Variants in SYNJ1 observed in about 807,000 individuals in gnomAD.
SYNJ1 encodes polyphosphatidylinositol phosphatase SYNJ1.
Under a neutral mutation model 168.2 loss-of-function variants are expected in SYNJ1, and 78 were observed. That is an observed-to-expected ratio of 0.46 (90% CI 0.39 to 0.56). SYNJ1 has a LOEUF of 0.56. SYNJ1 is among the 20% of genes least tolerant of loss of function. SYNJ1 has a pLI of 0.00. For missense variants in SYNJ1, 1,303 were observed against 1,597.6 expected, an observed-to-expected ratio of 0.82 and a Z score of 3.14; for synonymous variants, 539 against 548.6, an observed-to-expected ratio of 0.98 and a Z score of 0.24.
intron 25 of SYNJ1, 84 bp from the exon 26 acceptor site, chr21:32,645,090 AT>A: frequency 7.4e-7 from 1 of 1,353,276 alleles, no homozygotes; most frequent in South Asian, 1.4e-5. Context: ...TATAGTATCC[AT>A]GACATCAAGT....
intron 16 of SYNJ1, 88 bp from the exon 17 acceptor site, chr21:32,666,223 G>A (rs1468553701): frequency 1.4e-6 from 2 of 1,472,354 alleles, no homozygotes; most frequent in South Asian, 1.3e-5. Context: ...AATCATTTAA[G>A]TACACATGGT....
intron 2 of SYNJ1, among the ~76,000 whole-genome samples, chr21:32,702,531 A>G (rs1267441909): frequency 6.6e-6 from 1 of 152,184 alleles, no homozygotes. Flanking sequence ...TATTCTATTG[A>G]GAAGAAAAAA....
intron 6 of SYNJ1, among the ~76,000 whole-genome samples, chr21:32,690,095 T>G (rs2041968395): frequency 6.6e-6 from 1 of 152,264 alleles, no homozygotes; most frequent in Non-Finnish European, 1.5e-5. Context: ...AGTTTTCATG[T>G]CTTCCAGGTA....
chr21:32,717,878 G>T (rs2043081067), intron 2 of SYNJ1, among the ~76,000 whole-genome samples: 1 of 152,166 alleles, frequency 6.6e-6, no homozygotes, highest in African/African-American at 2.4e-5. Flanking sequence ...CAGGAATCCT[G>T]TCAAGCTTTG....
intron 1 of SYNJ1, chr21:32,727,736 C>G: frequency 2.6e-6 from 3 of 1,151,656 alleles, no homozygotes; most frequent in Non-Finnish European, 3.5e-6. Context: ...CAGCCGCTGT[C>G]ACCACAGCCC....
intron 9 of SYNJ1, among the ~76,000 whole-genome samples, chr21:32,684,804 C>G (rs2041759842): frequency 1.3e-5 from 2 of 152,174 alleles, no homozygotes; most frequent in South Asian, 4.1e-4. Flanking sequence ...AGTTCTAACA[C>G]TTGCTAATTA....
intron 2 of SYNJ1, among the ~76,000 whole-genome samples, chr21:32,706,338 T>C (rs1165067479): frequency 6.6e-6 from 1 of 152,156 alleles, no homozygotes; most frequent in Non-Finnish European, 1.5e-5. Flanking sequence ...GAAGAGAGGA[T>C]AAGGATTAGA....
chr21:32,683,836 C>A (rs1028778790), intron 10 of SYNJ1, among the ~76,000 whole-genome samples: 16 of 151,712 alleles, frequency 1.1e-4, no homozygotes, highest in African/African-American at 3.1e-4. Context: ...AGAGAGCTAC[C>A]TAAAGAGAAT....
intron 21 of SYNJ1, among the ~76,000 whole-genome samples, chr21:32,654,749 G>A (rs2040398190): frequency 6.6e-6 from 1 of 152,134 alleles, no homozygotes; most frequent in South Asian, 2.1e-4. Context: ...ACTCACTACA[G>A]TAAAAGCTTC....
chr21:32,647,969 G>A (rs1401320970), intron 23 of SYNJ1, among the ~76,000 whole-genome samples: 2 of 152,094 alleles, frequency 1.3e-5, no homozygotes, highest in African/African-American at 2.4e-5. Context: ...TCCCACTCCT[G>A]CAGATCACTT....
Position 32,685,902 on chromosome 21 carries a change from A to C in SYNJ1, c.964T>G (p.Ser322Ala). 6.2e-7 allele frequency: 1 copy of C among 1,605,016 alleles called. No individual in the cohort carries two copies. Reference sequence around the variant, plus strand: ...ATCTGGATATCAGCAGCATGTTCAGAAGCTTTCAAATGACTCTGAAAGTAA... The same window carrying C: ...ATCTGGATATCAGCAGCATGTTCAGCAGCTTTCAAATGACTCTGAAAGTAA... ...SKAFQSHLKASEHAADIQMVN... is the reference protein window; with the variant it reads ...SKAFQSHLKAAEHAADIQMVN... Residue 322 changes from serine (S) to alanine (A), a missense_variant, in exon 9 of 33, where the codon TCT (serine) becomes GCT (alanine). By Grantham distance (99) the Ser-to-Ala change is moderately conservative (BLOSUM62 1). Around this residue, in one of 2 missense-constraint regions of SYNJ1, gnomAD observed 920 missense variants for 1,208.8 expected, o/e 0.76. Transcript: ENST00000674351.
intron 18 of SYNJ1, among the ~76,000 whole-genome samples, chr21:32,664,636 A>C (rs1001969274): frequency 6.6e-6 from 1 of 152,026 alleles, no homozygotes; most frequent in African/African-American, 2.4e-5. Flanking sequence ...AGGGACAGGA[A>C]TTGCTCACTC....
At chr21:32,663,862 T>C (rs2833941) in intron 18 of SYNJ1, among the ~76,000 whole-genome samples, 2,668 of 152,348 alleles carry the variant, frequency 0.018, 40 homozygotes, top group Middle Eastern at 0.037. Context: ...TCAAAATAGA[T>C]TGGCTCTCGA....
chr21:32,727,740 A>C, intron 1 of SYNJ1: 6 of 1,156,386 alleles, frequency 5.2e-6, no homozygotes, highest in Non-Finnish European at 6.9e-6. Flanking sequence ...CGCTGTCACC[A>C]CAGCCCCCAG....
intron 2 of SYNJ1, among the ~76,000 whole-genome samples, chr21:32,711,378 G>C (rs1171783003): frequency 2.6e-5 from 4 of 151,538 alleles, no homozygotes; most frequent in Non-Finnish European, 5.9e-5. Context: ...CTGTCGCCAG[G>C]CTGGAGTGCA....
At chr21:32,660,248 C>T (rs2040637701) in intron 18 of SYNJ1, among the ~76,000 whole-genome samples, 1 of 152,212 alleles carries the variant, frequency 6.6e-6, no homozygotes, top group Admixed American at 6.5e-5. Context: ...GCCCTGTTAG[C>T]ACAAGAAGCA....
chr21:32,643,603 C>T (rs2039943897), intron 26 of SYNJ1, 146 bp from the exon 27 acceptor site: 1 of 792,002 alleles, frequency 1.3e-6, no homozygotes, highest in Non-Finnish European at 2.0e-6. Flanking sequence ...GATATCAATA[C>T]AAACCAAAGT....
At position 32,643,432 on chromosome 21, in the gene SYNJ1, C is replaced by G. The variant is rs2145756410; in HGVS notation, c.3456G>C (p.Gly1152=). The stretch of plus-strand genomic sequence containing the variant: ...TACCTTCCATCTCTCTCCTAGCTAC[C>G]CCAGGACTGGGAGGGGCTCCAATAC... ...FGGIGAPPSP[G]VARREMEAPK... The change falls in exon 27 of 33, where the codon GGG becomes GGC. Residue 1152 remains glycine (G), a synonymous_variant. Transcript: ENST00000674351. The G allele has an allele frequency of 1.2e-6, 2 of 1,613,646 alleles. No homozygotes were observed. Among genetic ancestry groups the G allele is most frequent in the Non-Finnish European group, 1.7e-6 (2 of 1,179,778 alleles).
intron 6 of SYNJ1, 70 bp downstream of exon 6, chr21:32,694,158 A>G: frequency 2.1e-5 from 23 of 1,112,576 alleles, no homozygotes; most frequent in Non-Finnish European, 2.8e-5. Context: ...TAATTAATAA[A>G]CTATCCAGAA....
Sources: allele counts gnomAD v4.1 joint callset (sites outside exome capture counted in the v4.1 genomes callset), GRCh38; gene constraint gnomAD v4.1.1; regional missense constraint gnomAD v4.1.1; transcripts MANE v1.5; gene names NCBI Gene and HGNC (gene_info 2026-07-23, HGNC 2026-07-21).